MECOM: variants seen among roughly 807,000 people sequenced by gnomAD.
MECOM encodes MDS1 and EVI1 complex locus, also known as histone-lysine N-methyltransferase MECOM.
MECOM carries 13 observed loss-of-function variants against 116.3 expected under a neutral mutation model. The observed-to-expected ratio is 0.11, with a 90% CI of 0.07 to 0.18. The LOEUF is 0.18. Among genes scored for constraint, MECOM ranks in the 10% least tolerant of loss-of-function variants. The probability of loss-of-function intolerance (pLI) is 1.00; values close to 1 mark genes in which losing one functional copy is unlikely to be tolerated. For synonymous variants in MECOM, 528 were observed against 535.2 expected (o/e 0.99, Z 0.19); for missense variants, 1,299 against 1,509.0 (o/e 0.86, Z 2.31).
At chr3:169,521,847 G>C (rs1442585874) in intron 1 of MECOM, among the ~76,000 whole-genome samples, 1 of 151,958 alleles carries the variant, frequency 6.6e-6, no homozygotes, top group Non-Finnish European at 1.5e-5. Flanking sequence ...GCTATTAGGA[G>C]GAAAAAATGT....
intron 1 of MECOM, among the ~76,000 whole-genome samples, chr3:169,432,179 G>C (rs970690536): frequency 2.0e-5 from 3 of 146,734 alleles, no homozygotes; most frequent in Non-Finnish European, 4.5e-5. Context: ...TTTTTTTTTA[G>C]ACAGAGTCTT....
intron 1 of MECOM, among the ~76,000 whole-genome samples, chr3:169,409,181 C>A (rs970956768): frequency 6.6e-6 from 1 of 152,096 alleles, no homozygotes; most frequent in Non-Finnish European, 1.5e-5. Context: ...ACCTAAGGCC[C>A]GAGCTGAGAA....
chr3:169,161,985 G>A (rs994485300), intron 2 of MECOM, among the ~76,000 whole-genome samples: 2 of 152,148 alleles, frequency 1.3e-5, no homozygotes, highest in Non-Finnish European at 2.9e-5. Flanking sequence ...GACCACAACT[G>A]CCCAGCTAGC....
At chr3:169,483,869 G>T in intron 1 of MECOM, 1 of 1,610,962 alleles carries the variant, frequency 6.2e-7, no homozygotes, top group Middle Eastern at 2.3e-4. Context: ...TGCTCCTTTC[G>T]ATGGTCACCA....
intron 2 of MECOM, among the ~76,000 whole-genome samples, chr3:169,358,714 G>A (rs1727719525): frequency 6.6e-6 from 1 of 151,562 alleles, no homozygotes; most frequent in Non-Finnish European, 1.5e-5. Context: ...AAATTAACAG[G>A]TACTATTTAA....
chr3:169,115,411 T>C lies in MECOM; in HGVS notation c.2461A>G (p.Thr821Ala), dbSNP rs750112127. 1.2e-6 allele frequency: 2 copies of C among 1,613,958 alleles called. No individual in the cohort carries two copies. The highest frequency in any genetic ancestry group is 1.7e-6 in the Non-Finnish European group (2 of 1,179,962). ...SDGSLQHARP[T>A]PFFMDPIYRV... ...TAAATAGGGTCCATAAAGAAAGGAG[T>C]GGGTCTTGCATGCTGCAAGGAACCA... The change falls in exon 8 of 17, where the codon ACT (threonine) becomes GCT (alanine). Residue 821 changes from threonine to alanine, a missense_variant. Physicochemically the swap from Thr to Ala is moderately conservative, Grantham distance 58 (BLOSUM62 0). Transcript: ENST00000651503.
chr3:169,625,162 C>T (rs1196771803), intron 1 of MECOM, among the ~76,000 whole-genome samples: 3 of 152,008 alleles, frequency 2.0e-5, no homozygotes, highest in East Asian at 3.9e-4. Flanking sequence ...CAATTACAAA[C>T]ATTTGGCATG....
At chr3:169,470,142 C>T (rs1748965412) in intron 1 of MECOM, 1 of 152,164 alleles carries the variant, frequency 6.6e-6, no homozygotes, top group Non-Finnish European at 1.5e-5. Context: ...TTTTATTTTG[C>T]AGAAGCTTGG....
chr3:169,513,265 T>C (rs926067770), intron 1 of MECOM, among the ~76,000 whole-genome samples: 6 of 152,252 alleles, frequency 3.9e-5, no homozygotes, highest in Non-Finnish European at 8.8e-5. Flanking sequence ...TTGCTGTTCA[T>C]GCATCAACCA....
chr3:169,221,175 A>G (rs78635628), intron 2 of MECOM, among the ~76,000 whole-genome samples: 12,892 of 152,270 alleles, frequency 0.085, 739 homozygotes, highest in East Asian at 0.31. Flanking sequence ...AAGATTAACT[A>G]AAGTAATCCT....
intron 2 of MECOM, among the ~76,000 whole-genome samples, chr3:169,370,149 T>G (rs1729850713): frequency 1.3e-5 from 2 of 151,952 alleles, no homozygotes; most frequent in Admixed American, 6.6e-5. Flanking sequence ...CAAAGACATC[T>G]AGTGCAACTG....
chr3:169,107,931 T>C lies in MECOM; in HGVS notation c.2599A>G (p.Thr867Ala), dbSNP rs1725989691. The change falls in exon 10 of 17, where the codon ACT (threonine) becomes GCT (alanine). Residue 867 changes from threonine (T) to alanine (A), a missense_variant. By Grantham distance (58) the Thr-to-Ala change is moderately conservative. This residue lies in a region of MECOM where 340 missense variants were observed against 312.6 expected (regional missense o/e 1.09). Transcript: ENST00000651503. ...AATATAAGTAGGAAACTTACCCAAG[T>C]TCTCTGATCAGGCAGTTGGAACTGG... ...HPQFQLPDQR[T>A]WMSAIENMAE... 1 of 1,612,602 alleles carries C rather than the reference T, an allele frequency of 6.2e-7. No homozygotes were observed. Among genetic ancestry groups the C allele is most frequent in the Non-Finnish European group, 8.5e-7 (1 of 1,179,310 alleles).
At chr3:169,657,076 T>G (rs577474939) in intron 1 of MECOM, among the ~76,000 whole-genome samples, 26 of 152,358 alleles carry the variant, frequency 1.7e-4, no homozygotes, top group African/African-American at 6.0e-4. Context: ...GGCAGAGTTC[T>G]AGACCTACTG....
chr3:169,331,773 C>T (rs371611805), intron 2 of MECOM, among the ~76,000 whole-genome samples: 35 of 152,032 alleles, frequency 2.3e-4, no homozygotes, highest in Non-Finnish European at 2.9e-5. Context: ...AGATTATATT[C>T]ATTTGATTTT....
intron 6 of MECOM, among the ~76,000 whole-genome samples, chr3:169,121,968 C>T (rs1389016402): frequency 1.3e-5 from 2 of 151,734 alleles, no homozygotes; most frequent in African/African-American, 4.8e-5. Context: ...GACACCAGGA[C>T]ATCTTTGAGT....
intron 1 of MECOM, among the ~76,000 whole-genome samples, chr3:169,662,298 C>T (rs1040250547): frequency 2.0e-5 from 3 of 152,198 alleles, no homozygotes; most frequent in African/African-American, 7.2e-5. Context: ...GACGAAGCGC[C>T]GGAGGCTGCG....
intron 2 of MECOM, among the ~76,000 whole-genome samples, chr3:169,268,124 A>G (rs544732805): frequency 4.3e-4 from 66 of 152,246 alleles, no homozygotes; most frequent in Non-Finnish European, 6.8e-4. Context: ...TCCATCTACA[A>G]TGTCCTTTAC....
chr3:169,531,902 A>C (rs1758675067), intron 1 of MECOM, among the ~76,000 whole-genome samples: 1 of 152,186 alleles, frequency 6.6e-6, no homozygotes, highest in African/African-American at 2.4e-5. Context: ...GTATAGGAGA[A>C]ATAACAAGTT....
At chr3:169,470,649 T>G (rs1749074879) in intron 1 of MECOM, among the ~76,000 whole-genome samples, 1 of 152,168 alleles carries the variant, frequency 6.6e-6, no homozygotes, top group Non-Finnish European at 1.5e-5. Flanking sequence ...AGAGAAATTC[T>G]GAGGCATGTC....
Sources: gnomAD v4.1 joint callset for allele counts (sites outside exome capture counted in the v4.1 genomes callset) on GRCh38, gnomAD v4.1.1 for gene constraint, gnomAD v4.1.1 regional missense constraint, MANE v1.5 for transcripts, NCBI Gene and HGNC (gene_info 2026-07-23, HGNC 2026-07-21) for gene names.